CARF: variants seen among roughly 807,000 people sequenced by gnomAD.
The protein encoded by CARF is calcium-responsive transcription factor.
CARF carries 57 observed loss-of-function variants against 82.0 expected under a neutral mutation model. The observed-to-expected ratio is 0.70, with a 90% CI of 0.56 to 0.87. The LOEUF (loss-of-function observed/expected upper bound fraction) is 0.87, where lower values mean the gene tolerates loss of function less well. Ranked by LOEUF, CARF falls within the 40% of genes least tolerant of loss-of-function variation. CARF has a pLI of 0.00. For missense variants in CARF, 771 were observed against 855.8 expected (o/e 0.90, Z 1.24); for synonymous variants, 268 against 290.1 (o/e 0.92, Z 0.77).
chr2:202,978,018 G>T (rs1473712370), intron 14 of CARF, among the ~76,000 whole-genome samples: 1 of 152,056 alleles, frequency 6.6e-6, no homozygotes, highest in Non-Finnish European at 1.5e-5. Context: ...GCTAATTTTT[G>T]TATTTTTAGT....
At chr2:202,932,555 T>C (rs1693130124) in intron 3 of CARF, among the ~76,000 whole-genome samples, 1 of 151,756 alleles carries the variant, frequency 6.6e-6, no homozygotes, top group Non-Finnish European at 1.5e-5. Context: ...TAGGGCTCGG[T>C]GGTAAGTCAA....
intron 13 of CARF, 75 bp downstream of exon 13, chr2:202,974,571 C>A: frequency 7.2e-7 from 1 of 1,383,768 alleles, no homozygotes; most frequent in Non-Finnish European, 9.9e-7. Context: ...ATAAGAATGG[C>A]TAGTGTTAGG....
At chr2:202,957,243 T>G (rs1177217808) in intron 8 of CARF, among the ~76,000 whole-genome samples, 1 of 152,218 alleles carries the variant, frequency 6.6e-6, no homozygotes, top group African/African-American at 2.4e-5. Context: ...TGTATATTTT[T>G]CTAAGGCTAC....
intron 6 of CARF, among the ~76,000 whole-genome samples, chr2:202,953,697 C>T (rs1483089540): frequency 6.6e-6 from 1 of 151,770 alleles, no homozygotes. Flanking sequence ...ATTATGAGCA[C>T]AGTATATAAA....
rs76057377 is a variant in CARF, at chr2:202,942,892, A to G, written c.231A>G (p.Gln77=). ...AGACACAGACTCTTTCTGCAGAGCA[A>G]TTCCATCTAGTGGACCAAAATGGGC... ...LTQTQTLSAE[Q]FHLVDQNGQA... Residue 77 remains glutamine, a synonymous_variant, in exon 5 of 17, where the codon CAA becomes CAG. Coordinates refer to ENST00000438828, the MANE Select transcript of CARF (RefSeq NM_024744.17). 9.9e-6 allele frequency: 16 copies of G among 1,614,078 alleles called. No individual in the cohort carries two copies. The highest frequency in any genetic ancestry group is 2.2e-5 in the East Asian group (1 of 44,870).
At chr2:202,933,159 C>T (rs989044728) in intron 3 of CARF, among the ~76,000 whole-genome samples, 6 of 152,110 alleles carry the variant, frequency 3.9e-5, no homozygotes, top group African/African-American at 1.4e-4. Flanking sequence ...GGTGGGGTGG[C>T]TCCACCTCTG....
At chr2:202,944,522 C>A (rs945425444) in intron 5 of CARF, among the ~76,000 whole-genome samples, 3 of 152,122 alleles carry the variant, frequency 2.0e-5, no homozygotes, top group Non-Finnish European at 2.9e-5. Context: ...CCTTTATGAT[C>A]CAGCCAAATT....
At chr2:202,927,456 C>T (rs1360504885) in intron 3 of CARF, among the ~76,000 whole-genome samples, 2 of 151,966 alleles carry the variant, frequency 1.3e-5, no homozygotes, top group Non-Finnish European at 2.9e-5. Flanking sequence ...ATATGTATTA[C>T]TCATATACTT....
chr2:202,978,116 G>A (rs1042619886), intron 14 of CARF, among the ~76,000 whole-genome samples: 3 of 152,232 alleles, frequency 2.0e-5, no homozygotes, highest in African/African-American at 7.2e-5. Context: ...AAAGTGGTGG[G>A]ATTACAGGCG....
intron 1 of CARF, among the ~76,000 whole-genome samples, chr2:202,913,368 A>G (rs1281702483): frequency 6.6e-6 from 1 of 152,154 alleles, no homozygotes; most frequent in African/African-American, 2.4e-5. Context: ...CTGCTACTTG[A>G]TTAACCTTTT....
chr2:202,949,117 C>T (rs918303830), intron 5 of CARF, among the ~76,000 whole-genome samples: 22 of 152,084 alleles, frequency 1.4e-4, no homozygotes, highest in Admixed American at 6.6e-5. Context: ...GGGCAGATCA[C>T]GAGGTCAGGA....
At chr2:202,983,415 A>C in intron 16 of CARF, 91 bp from the exon 17 acceptor site, 1 of 813,292 alleles carries the variant, frequency 1.2e-6, no homozygotes, top group Non-Finnish European at 1.9e-6. Flanking sequence ...GTTTTCACAG[A>C]AGTTATTTTT....
chr2:202,961,481 C>G (rs1391070983), intron 9 of CARF, 55 bp downstream of exon 9: 4 of 1,495,932 alleles, frequency 2.7e-6, no homozygotes, highest in Admixed American at 1.8e-5. Flanking sequence ...AGTCCATTGT[C>G]AAAATGTGAT....
chr2:202,983,793 C>T lies in CARF; in HGVS notation c.*169C>T. On this transcript the variant is annotated 3_prime_UTR_variant, in exon 17 of 17. Transcript: ENST00000438828. ...GTTGCCAGTTCCATATTTTTACCTTCCTTAAGAGATGTTTTACTCTTCTTA... is the reference window on the plus strand; with the variant it reads ...GTTGCCAGTTCCATATTTTTACCTTTCTTAAGAGATGTTTTACTCTTCTTA... 1 of 559,396 alleles carries T rather than the reference C, an allele frequency of 1.8e-6. No homozygotes were observed. The highest frequency in any genetic ancestry group is 2.3e-5 in the South Asian group (1 of 42,858). The allele number at this position is 559,396 out of a possible 1,614,324, so 34.7% of individuals were successfully genotyped here.
intron 1 of CARF, among the ~76,000 whole-genome samples, chr2:202,915,902 C>T (rs556449983): frequency 5.6e-4 from 85 of 152,164 alleles, no homozygotes; most frequent in Non-Finnish European, 1.0e-3. Flanking sequence ...GCCACTGCAT[C>T]CAGCAGAAAA....
intron 14 of CARF, among the ~76,000 whole-genome samples, chr2:202,980,616 GTATATATATATA>G (rs34656288): frequency 0.016 from 686 of 42,636 alleles, 30 homozygotes; most frequent in African/African-American, 0.033. Context: ...CGTCTTTCAA[GTATATATATATA>G]TATATATATA....
At chr2:202,923,738 T>A (rs553180280) in intron 2 of CARF, among the ~76,000 whole-genome samples, 1 of 152,296 alleles carries the variant, frequency 6.6e-6, no homozygotes, top group East Asian at 1.9e-4. Context: ...TATAAGGCTG[T>A]ACTCACCAAA....
chr2:202,919,141 C>G (rs1446857065), intron 2 of CARF, among the ~76,000 whole-genome samples: 2 of 152,186 alleles, frequency 1.3e-5, no homozygotes, highest in African/African-American at 4.8e-5. Flanking sequence ...CCTGTACTTG[C>G]TTTCTCACCT....
intron 10 of CARF, among the ~76,000 whole-genome samples, chr2:202,968,404 A>T (rs1052609938): frequency 1.3e-5 from 2 of 152,158 alleles, no homozygotes; most frequent in African/African-American, 2.4e-5. Context: ...TCTGTCTCAA[A>T]AAAATAAAAT....
Sources: gnomAD v4.1 joint callset for allele counts (sites outside exome capture counted in the v4.1 genomes callset) on GRCh38, gnomAD v4.1.1 for gene constraint, MANE v1.5 for transcripts, NCBI Gene and HGNC (gene_info 2026-07-23, HGNC 2026-07-21) for gene names.